Variants in ITGAL observed in about 807,000 individuals in gnomAD.
ITGAL encodes the protein integrin subunit alpha L, also known as integrin alpha-L.
Under a neutral mutation model 138.4 loss-of-function variants are expected in ITGAL, and 68 were observed. The ratio of observed to expected loss-of-function variants is 0.49; its 90% CI spans 0.40 to 0.60. The LOEUF (loss-of-function observed/expected upper bound fraction) is 0.60, where lower values mean the gene tolerates loss of function less well. Among genes scored for constraint, ITGAL ranks in the 20% least tolerant of loss-of-function variants. The pLI, the probability that ITGAL is intolerant of heterozygous loss-of-function variation, is 0.00. For synonymous variants in ITGAL, 561 were observed against 584.3 expected (o/e 0.96, Z 0.57); for missense variants, 1,256 against 1,478.6 (o/e 0.85, Z 2.47).
Position 30,479,211 on chromosome 16 carries a change from A to G in ITGAL, c.445+3A>G, listed in dbSNP as rs754580540. On this transcript the variant is annotated splice_donor_region_variant and intron_variant, in intron 5 of 30. Coordinates refer to ENST00000356798, the MANE Select transcript of ITGAL (RefSeq NM_002209.3). ...GCAGGGGCGCCCTGGTTTTCAGGGT[A>G]AGGAACTGGGGACTCATTGGGTAAA... The G allele has an allele frequency of 3.4e-5, 55 of 1,613,842 alleles. No homozygotes were observed. The highest frequency in any genetic ancestry group is 4.7e-5 in the Non-Finnish European group (55 of 1,179,782).
chr16:30,481,353 A>T, intron 6 of ITGAL, 86 bp from the exon 7 acceptor site: 3 of 985,532 alleles, frequency 3.0e-6, no homozygotes, highest in Non-Finnish European at 4.2e-6. Flanking sequence ...TCTAAAAAAA[A>T]AAAAAAAAAA....
At chr16:30,478,767 G>C (rs1339364992) in intron 4 of ITGAL, among the ~76,000 whole-genome samples, 1 of 151,762 alleles carries the variant, frequency 6.6e-6, no homozygotes, top group Non-Finnish European at 1.5e-5. Context: ...AATTTGATTT[G>C]GCTGGAACAC....
intron 4 of ITGAL, 108 bp downstream of exon 4, chr16:30,475,688 G>A: frequency 1.3e-6 from 1 of 767,242 alleles, no homozygotes; most frequent in Admixed American, 1.9e-5. Context: ...ATGGTCAAAG[G>A]CATCAGAGTC....
intron 25 of ITGAL, among the ~76,000 whole-genome samples, chr16:30,515,933 T>C (rs1384743161): frequency 6.6e-6 from 1 of 150,884 alleles, no homozygotes; most frequent in Non-Finnish European, 1.5e-5. Flanking sequence ...GATCGTGCCA[T>C]CGCACTCCAG....
At chr16:30,486,269 G>A (rs1263169786) in intron 9 of ITGAL, among the ~76,000 whole-genome samples, 1 of 152,146 alleles carries the variant, frequency 6.6e-6, no homozygotes, top group Non-Finnish European at 1.5e-5. Flanking sequence ...GGGAGGCTGA[G>A]GCAGGCGGAT....
chr16:30,521,746 G>A lies in ITGAL; in HGVS notation c.*81G>A, dbSNP rs537850380. ...ACTCTGCCTCTGCCTGCATTCTGCCGTGTGCCCTCGGGCGAGTCACTGCCT... is the reference window on the plus strand; with the variant it reads ...ACTCTGCCTCTGCCTGCATTCTGCCATGTGCCCTCGGGCGAGTCACTGCCT... On this transcript the variant is annotated 3_prime_UTR_variant, in exon 31 of 31. Transcript: ENST00000356798. 11 of 1,413,894 alleles carry A rather than the reference G, an allele frequency of 7.8e-6. No homozygotes were observed. Among genetic ancestry groups the A allele is most frequent in the South Asian group, 5.1e-5 (4 of 77,696 alleles). 87.6% of individuals were successfully genotyped at this position (1,413,894 alleles called of 1,614,324 possible). A position where few individuals can be genotyped will look rare whatever the true frequency, so the allele number is the denominator to read the frequency against.
intron 1 of ITGAL, among the ~76,000 whole-genome samples, chr16:30,473,368 G>A (rs1328547322): frequency 1.3e-5 from 2 of 152,220 alleles, no homozygotes; most frequent in East Asian, 1.9e-4. Context: ...ATGAGGCAGA[G>A]GTTGCAGTGA....
At chr16:30,504,033 A>G (rs1342539314) in intron 17 of ITGAL, 142 bp from the exon 18 acceptor site, 2 of 665,868 alleles carry the variant, frequency 3.0e-6, no homozygotes, top group South Asian at 3.5e-5. Context: ...TATGTAGTCA[A>G]TGGATTTTCA....
intron 20 of ITGAL, 55 bp downstream of exon 20, chr16:30,505,517 C>G (rs912419731): frequency 2.4e-6 from 3 of 1,255,874 alleles, no homozygotes; most frequent in Admixed American, 1.7e-5. Flanking sequence ...TAAGACCCCC[C>G]ACTCCACTCA....
In ITGAL at chr16:30,484,290, T is replaced by C. The variant is rs375559321; in HGVS notation, c.1006+27T>C. ...TGAGTGGCAGGCCCTGGGAGAGGGC[T>C]CGGGAGTCTGCATAAAGAAATTCCC... On this transcript the variant is annotated intron_variant, in intron 9 of 30. Coordinates refer to ENST00000356798, the MANE Select transcript of ITGAL (RefSeq NM_002209.3). The C allele has an allele frequency of 1.9e-6, 3 of 1,599,854 alleles. No individual in the cohort carries two copies. In the African/African-American group the frequency reaches 4.0e-5, roughly 22 times the overall value.
At chr16:30,512,049 T>G (rs2051098722) in intron 24 of ITGAL, among the ~76,000 whole-genome samples, 1 of 152,224 alleles carries the variant, frequency 6.6e-6, no homozygotes. Context: ...TGGTCCTTGG[T>G]CAGGTCACAG....
At chr16:30,505,584 T>C in intron 20 of ITGAL, 122 bp downstream of exon 20, 1 of 750,750 alleles carries the variant, frequency 1.3e-6, no homozygotes, top group Non-Finnish European at 2.3e-6. Flanking sequence ...TTTCCTTTTC[T>C]GAGAAATTTG....
chr16:30,481,662 G>A, intron 7 of ITGAL, 78 bp downstream of exon 7: 1 of 1,384,460 alleles, frequency 7.2e-7, no homozygotes, highest in Non-Finnish European at 1.0e-6. Context: ...TGCAGGGCAT[G>A]GGAACTCAGT....
chr16:30,520,092 G>A, intron 30 of ITGAL, 125 bp downstream of exon 30: 2 of 695,832 alleles, frequency 2.9e-6, no homozygotes, highest in Non-Finnish European at 5.0e-6. Flanking sequence ...CAGAGCCAGG[G>A]GGCCTCAGCC....
chr16:30,509,717 C>A (rs35833634), intron 21 of ITGAL, among the ~76,000 whole-genome samples: 1 of 152,042 alleles, frequency 6.6e-6, no homozygotes, highest in Admixed American at 6.6e-5. Context: ...ACAACAGGCA[C>A]GCCCCACTAT....
rs150610554 is a variant in ITGAL, at chr16:30,521,828, T to G, written c.*163T>G. On this transcript the variant is annotated 3_prime_UTR_variant, in exon 31 of 31. Coordinates refer to ENST00000356798, the MANE Select transcript of ITGAL (RefSeq NM_002209.3). The stretch of plus-strand genomic sequence containing the variant: ...ATGGAACTCATTCCTGCCTGTCTCC[T>G]TTGCAGGCTCATAGGGAAGACCTGC... 6.0e-5 allele frequency: 41 copies of G among 684,804 alleles called. No homozygotes were observed. Among genetic ancestry groups the G allele is most frequent in the Admixed American group, 1.5e-4 (5 of 33,132 alleles). The allele number at this position is 684,804 out of a possible 1,614,324, so 42.4% of individuals were successfully genotyped here.
chr16:30,488,194 CAA>C (rs553242288), intron 9 of ITGAL, among the ~76,000 whole-genome samples: 34 of 105,448 alleles, frequency 3.2e-4, no homozygotes, highest in East Asian at 3.0e-4. Context: ...GACCCTGTCT[CAA>C]AAAAAAAAAA....
At chr16:30,484,335 T>C in intron 9 of ITGAL, 72 bp downstream of exon 9, 2 of 1,494,920 alleles carry the variant, frequency 1.3e-6, no homozygotes, top group Non-Finnish European at 1.8e-6. Flanking sequence ...CAGGCCGGGC[T>C]TGGTGGCTCA....
chr16:30,474,374 CCCT>C, intron 2 of ITGAL, 76 bp downstream of exon 2: 1 of 1,031,150 alleles, frequency 9.7e-7, no homozygotes, highest in Non-Finnish European at 1.5e-6. Context: ...GCCTCCCCGA[CCCT>C]CGCCTGGGCT....
Sources: gnomAD v4.1 joint callset for allele counts (sites outside exome capture counted in the v4.1 genomes callset) on GRCh38, gnomAD v4.1.1 for gene constraint, MANE v1.5 for transcripts, NCBI Gene and HGNC (gene_info 2026-07-23, HGNC 2026-07-21) for gene names.